The following IL12RB1 variants were observed in gnomAD, a reference collection of about 807,000 sequenced individuals.
IL12RB1 encodes the protein interleukin-12 receptor subunit beta-1.
IL12RB1 carries 64 observed loss-of-function variants against 94.4 expected under a neutral mutation model. The observed-to-expected ratio is 0.68, with a 90% CI of 0.55 to 0.83. IL12RB1 has a LOEUF of 0.83. IL12RB1 is among the 40% of genes least tolerant of loss of function. The pLI, the probability that IL12RB1 is intolerant of heterozygous loss-of-function variation, is 0.00. For synonymous variants in IL12RB1, 362 were observed against 355.5 expected, an observed-to-expected ratio of 1.02 and a Z score of -0.21; for missense variants, 814 against 855.6, an observed-to-expected ratio of 0.95 and a Z score of 0.61.
chr19:18,064,138 C>CTT (rs55986229), intron 12 of IL12RB1, 128 bp from the exon 13 acceptor site: 1,389 of 348,998 alleles, frequency 4.0e-3, no homozygotes, highest in African/African-American at 8.4e-3. Flanking sequence ...CTCTTTCTTT[C>CTT]TTTTTTTTTT....
chr19:18,076,977 G>T (rs2035527841), intron 5 of IL12RB1, among the ~76,000 whole-genome samples: 1 of 152,122 alleles, frequency 6.6e-6, no homozygotes, highest in African/African-American at 2.4e-5. Context: ...AGGAGTTTGG[G>T]TAAAGGATAT....
chr19:18,065,689 G>A (rs149093444), intron 12 of IL12RB1, among the ~76,000 whole-genome samples: 43 of 152,046 alleles, frequency 2.8e-4, no homozygotes, highest in African/African-American at 1.0e-3. Flanking sequence ...CATGGTGGTG[G>A]GTGCCTGTAA....
chr19:18,093,249 T>C (rs1438247677), intron 1 of IL12RB1, among the ~76,000 whole-genome samples: 3 of 151,784 alleles, frequency 2.0e-5, no homozygotes, highest in African/African-American at 7.3e-5. Flanking sequence ...GAGGTTGCAG[T>C]GAGCCGAGAT....
At position 18,068,506 on chromosome 19, in the gene IL12RB1, C is replaced by G. The variant is rs775796804; in HGVS notation, c.1210G>C (p.Glu404Gln). Residue 404 changes from glutamate to glutamine, a missense_variant, in exon 11 of 17, where the codon GAG becomes CAG. By Grantham distance (29) the Glu-to-Gln change is conservative. Coordinates refer to ENST00000593993, the MANE Select transcript of IL12RB1 (RefSeq NM_005535.3). ...AGMATYSWSR[E>Q]SGAMGQEKCY... is the part of the protein sequence containing the mutation. ...TTTTCCTGCCCCATTGCCCCAGACT[C>G]TCGACTCCAGCTGTAGGTTGCTGGA... is the stretch of plus-strand genomic sequence containing the variant. 1.2e-6 allele frequency: 2 copies of G among 1,613,042 alleles called. No individual in the cohort carries two copies. Among genetic ancestry groups the G allele is most frequent in the East Asian group, 2.2e-5 (1 of 44,864 alleles).
intron 1 of IL12RB1, among the ~76,000 whole-genome samples, chr19:18,093,344 A>ATATATATATATATATATATATG (rs1224767884): frequency 9.1e-5 from 13 of 142,600 alleles, no homozygotes; most frequent in Admixed American, 3.4e-4. Context: ...ATATATATAT[A>ATATATATATATATATATATATG]TATACTTGTG....
At chr19:18,064,117 T>G in intron 12 of IL12RB1, 107 bp from the exon 13 acceptor site, 1 of 626,680 alleles carries the variant, frequency 1.6e-6, no homozygotes, top group Non-Finnish European at 2.8e-6. Context: ...GGCATTTTGC[T>G]AAAATCTCTA....
chr19:18,087,630 C>G (rs2036426833), upstream of IL12RB1, among the ~76,000 whole-genome samples: 1 of 152,182 alleles, frequency 6.6e-6, no homozygotes, highest in African/African-American at 2.4e-5. Context: ...ATCCTCCTAC[C>G]TCAGCCTCCC....
rs767853499 is a variant in IL12RB1 at position 18,080,909 on chromosome 19, A to AC, written c.331dup (p.Val111GlyfsTer18). On this transcript the variant is annotated frameshift_variant, in exon 4 of 17. Coordinates refer to ENST00000593993, the MANE Select transcript of IL12RB1 (RefSeq NM_005535.3). LOFTEE classifies it high-confidence loss of function. Reference sequence around the variant, plus strand: ...GGCCCAGGATTCCACCCAGAGTGTGACAGTGTACAGCACAGACACCCCAGC... The same window carrying AC: ...GGCCCAGGATTCCACCCAGAGTGTGACCAGTGTACAGCACAGACACCCCAGC... The AC allele has an allele frequency of 6.2e-7, 1 of 1,613,236 alleles. No homozygotes were observed. Among genetic ancestry groups the AC allele is most frequent in the Non-Finnish European group, 8.5e-7 (1 of 1,179,242 alleles).
At position 18,068,399 on chromosome 19, in the gene IL12RB1, A is replaced by C; in HGVS notation, c.1317T>G (p.Phe439Leu). Residue 439 changes from phenylalanine (F) to leucine (L), a missense_variant, in exon 11 of 17, where the codon TTT becomes TTG. Physicochemically the swap from Phe to Leu is conservative, Grantham distance 22 (BLOSUM62 0). Transcript: ENST00000593993. ...GTTTGGGTCACTTACCATTGCCCCC[A>C]AAGTGGTAGGTGGACAGGACCGTAG... ...LWSTVLSTYH[F>L]GGNASAAGTP... 1 of 1,612,126 alleles carries C rather than the reference A, an allele frequency of 6.2e-7. No homozygotes were observed. The highest frequency in any genetic ancestry group is 8.5e-7 in the Non-Finnish European group (1 of 1,179,110).
At chr19:18,092,794 G>A (rs1284672777) in intron 1 of IL12RB1, among the ~76,000 whole-genome samples, 7 of 151,154 alleles carry the variant, frequency 4.6e-5, no homozygotes, top group Middle Eastern at 3.4e-3. Context: ...ATGAGCCACC[G>A]CTCCCAAACA....
upstream of IL12RB1, among the ~76,000 whole-genome samples, chr19:18,091,261 T>A (rs1389335276): frequency 6.6e-6 from 1 of 152,216 alleles, no homozygotes; most frequent in Non-Finnish European, 1.5e-5. Context: ...TCTCTAGGCC[T>A]GCCAAGAGGC....
At chr19:18,083,151 A>G in intron 2 of IL12RB1, 1 of 572,152 alleles carries the variant, frequency 1.7e-6, no homozygotes, top group South Asian at 2.0e-5. Context: ...AAAATGCTTA[A>G]CAGGTACTTT....
chr19:18,083,242 C>T (rs902658780), intron 2 of IL12RB1, 190 bp downstream of exon 2: 23 of 675,156 alleles, frequency 3.4e-5, no homozygotes, highest in East Asian at 1.1e-4. Context: ...TTCAGAGAGG[C>T]GGCTGGCTAC....
In IL12RB1 at chr19:18,076,315, G is replaced by GATA. The variant is rs1412008859; in HGVS notation, c.561_562insTAT (p.Gly187_Pro188insTyr). ...TTCTCACCAGTATCATCATCCTGAG[G>GATA]TCCGCAGTCGCCCTAGAATAAAAAC... On this transcript the variant is annotated inframe_insertion, in exon 6 of 17. Transcript: ENST00000593993. The GATA allele has an allele frequency of 4.2e-6, 6 of 1,429,746 alleles. No individual in the cohort carries two copies. Among genetic ancestry groups the GATA allele is most frequent in the Middle Eastern group, 1.7e-4 (1 of 5,734 alleles). 88.6% of individuals were successfully genotyped at this position (1,429,746 alleles called of 1,614,324 possible).
intron 9 of IL12RB1, chr19:18,071,074 TA>T: frequency 4.0e-6 from 1 of 248,528 alleles, no homozygotes; most frequent in Non-Finnish European, 8.0e-6. Context: ...CCATCTCTAC[TA>T]AAAATACAAA....
intron 1 of IL12RB1, chr19:18,097,701 A>C: frequency 6.2e-6 from 5 of 812,404 alleles, no homozygotes; most frequent in Non-Finnish European, 4.7e-6. Context: ...AGGCCGTGTC[A>C]GCTGACCGGC....
chr19:18,061,040 A>G, intron 15 of IL12RB1, 82 bp downstream of exon 15: 1 of 775,734 alleles, frequency 1.3e-6, no homozygotes, highest in Non-Finnish European at 2.3e-6. Context: ...GAATTGGGAG[A>G]GAATAAAATG....
upstream of IL12RB1, among the ~76,000 whole-genome samples, chr19:18,089,633 A>G (rs1335456473): frequency 6.6e-6 from 1 of 152,122 alleles, no homozygotes; most frequent in African/African-American, 2.4e-5. Flanking sequence ...TCAAAAAAAA[A>G]AAAAAAGATG....
At position 18,061,139 on chromosome 19, in the gene IL12RB1, A is replaced by T. The variant is rs2034090780; in HGVS notation, c.1774T>A (p.Phe592Ile). 2.5e-6 allele frequency: 4 copies of T among 1,595,284 alleles called. No homozygotes were observed. The highest frequency in any genetic ancestry group is 2.7e-5 in the African/African-American group (2 of 74,566). Residue 592 changes from phenylalanine to isoleucine, a missense_variant, in exon 15 of 17, where the codon TTC becomes ATC. Physicochemically the swap from Phe to Ile is conservative, Grantham distance 21. Transcript: ENST00000593993. ...ATCCTTACCTCCTTCCCTCCAGGGA[A>T]CTCAATGGCGGAGCTGGCACAGGGT... Reference protein sequence around the residue: ...PTPCASSAIEFPGGKETWQWI... With the variant: ...PTPCASSAIEIPGGKETWQWI...
Sources: gnomAD v4.1 joint callset for allele counts (sites outside exome capture counted in the v4.1 genomes callset) on GRCh38, gnomAD v4.1.1 for gene constraint, MANE v1.5 for transcripts, NCBI Gene and HGNC (gene_info 2026-07-23, HGNC 2026-07-21) for gene names.